Variants in DLG2 observed in about 807,000 individuals in gnomAD.
The protein encoded by DLG2 is discs large MAGUK scaffold protein 2.
Under a neutral mutation model 132.5 loss-of-function variants are expected in DLG2, and 45 were observed. The ratio of observed to expected loss-of-function variants is 0.34; its 90% CI spans 0.27 to 0.44. The LOEUF is 0.44. Ranked by LOEUF, DLG2 falls within the 20% of genes least tolerant of loss-of-function variation. DLG2 has a pLI of 1.00. For synonymous variants in DLG2, 424 were observed against 419.6 expected (o/e 1.01, Z -0.13); for missense variants, 1,045 against 1,196.9 (o/e 0.87, Z 1.87).
intron 4 of DLG2, among the ~76,000 whole-genome samples, chr11:85,246,466 T>C (rs573468293): frequency 6.6e-6 from 1 of 152,028 alleles, no homozygotes; most frequent in East Asian, 1.9e-4. Flanking sequence ...ATATGCTTAA[T>C]GTGAATTCCC....
At chr11:85,285,438 A>G (rs1251898059) in intron 3 of DLG2, 73 bp from the exon 4 acceptor site, 4 of 1,371,960 alleles carry the variant, frequency 2.9e-6, no homozygotes, top group African/African-American at 1.5e-5. Flanking sequence ...ATATATGTCC[A>G]TATATAGACA....
intron 18 of DLG2, among the ~76,000 whole-genome samples, chr11:83,674,781 G>A (rs575355723): frequency 6.6e-6 from 1 of 152,262 alleles, no homozygotes; most frequent in East Asian, 1.9e-4. Flanking sequence ...CAGGTTTTAT[G>A]AACAGATTTT....
intron 7 of DLG2, among the ~76,000 whole-genome samples, chr11:84,273,842 C>T (rs2154366056): frequency 6.6e-6 from 1 of 152,266 alleles, no homozygotes; most frequent in Middle Eastern, 3.4e-3. Flanking sequence ...TATTCTTCAC[C>T]TACAGAGTAT....
At chr11:85,354,389 C>T (rs1429189416) in intron 3 of DLG2, among the ~76,000 whole-genome samples, 1 of 152,106 alleles carries the variant, frequency 6.6e-6, no homozygotes, top group African/African-American at 2.4e-5. Context: ...AGATATACGA[C>T]AGTCACTCTC....
chr11:85,304,573 C>T (rs2079817007), intron 3 of DLG2, among the ~76,000 whole-genome samples: 1 of 152,198 alleles, frequency 6.6e-6, no homozygotes, highest in Admixed American at 6.5e-5. Flanking sequence ...CAATATGATG[C>T]TCAAACTAAG....
intron 14 of DLG2, among the ~76,000 whole-genome samples, chr11:83,937,234 G>A (rs1272032344): frequency 2.6e-5 from 4 of 152,024 alleles, no homozygotes; most frequent in Admixed American, 6.6e-5. Flanking sequence ...CCAGCCGGGC[G>A]CGGTGGCTCA....
intron 3 of DLG2, among the ~76,000 whole-genome samples, chr11:85,479,689 T>TTAAG (rs1485092279): frequency 6.6e-6 from 1 of 152,152 alleles, no homozygotes; most frequent in African/African-American, 2.4e-5. Flanking sequence ...ACTACAGTAA[T>TTAAG]TAAGTACCTG....
chr11:83,753,973 A>C (rs1186953891), intron 18 of DLG2, among the ~76,000 whole-genome samples: 8 of 147,134 alleles, frequency 5.4e-5, no homozygotes, highest in Non-Finnish European at 1.2e-4. Flanking sequence ...GCCAAGTGAA[A>C]TAGAGAAAAA....
chr11:84,470,181 A>G (rs942917229), intron 7 of DLG2, among the ~76,000 whole-genome samples: 8 of 151,778 alleles, frequency 5.3e-5, no homozygotes, highest in Non-Finnish European at 1.2e-4. Flanking sequence ...TATAAAGCAC[A>G]AGTGTTGGTA....
At chr11:84,349,807 C>T (rs992450512) in intron 7 of DLG2, among the ~76,000 whole-genome samples, 57 of 151,418 alleles carry the variant, frequency 3.8e-4, no homozygotes, top group African/African-American at 1.3e-3. Context: ...TAAGACCAGC[C>T]TGGGCAACAC....
At chr11:85,459,112 C>G (rs2092518327) in intron 3 of DLG2, among the ~76,000 whole-genome samples, 1 of 152,198 alleles carries the variant, frequency 6.6e-6, no homozygotes, top group African/African-American at 2.4e-5. Context: ...AGTGCAAGAG[C>G]AGCTTGCTGG....
At chr11:85,192,862 G>A (rs2080709037) in intron 4 of DLG2, among the ~76,000 whole-genome samples, 1 of 152,146 alleles carries the variant, frequency 6.6e-6, no homozygotes, top group South Asian at 2.1e-4. Flanking sequence ...CCATGTTCCT[G>A]TGGCAGCATG....
At chr11:84,351,067 G>A (rs1210100099) in intron 7 of DLG2, among the ~76,000 whole-genome samples, 2 of 151,918 alleles carry the variant, frequency 1.3e-5, no homozygotes, top group Non-Finnish European at 2.9e-5. Context: ...TTAGATGTGA[G>A]GACAAACAGG....
intron 7 of DLG2, among the ~76,000 whole-genome samples, chr11:84,340,378 T>C (rs1242058746): frequency 6.6e-6 from 1 of 152,112 alleles, no homozygotes; most frequent in Non-Finnish European, 1.5e-5. Flanking sequence ...ACTAGACAAA[T>C]GTCAGTGGTG....
chr11:85,530,631 T>C (rs891674595), intron 3 of DLG2, among the ~76,000 whole-genome samples: 1 of 152,214 alleles, frequency 6.6e-6, no homozygotes, highest in Non-Finnish European at 1.5e-5. Flanking sequence ...AGGGTGTTTT[T>C]CTAATGCTTT....
At chr11:84,051,740 T>A (rs2096387795) in intron 11 of DLG2, among the ~76,000 whole-genome samples, 1 of 151,536 alleles carries the variant, frequency 6.6e-6, no homozygotes, top group East Asian at 1.9e-4. Flanking sequence ...AACCTGCACG[T>A]TGTGCACATG....
At chr11:84,747,777 G>T (rs2153831362) in intron 6 of DLG2, among the ~76,000 whole-genome samples, 1 of 151,170 alleles carries the variant, frequency 6.6e-6, no homozygotes, top group South Asian at 2.1e-4. Flanking sequence ...TAGGTGCTGG[G>T]TATCGTAAAT....
At chr11:84,173,092 T>C (rs2095860593) in intron 8 of DLG2, among the ~76,000 whole-genome samples, 3 of 152,168 alleles carry the variant, frequency 2.0e-5, no homozygotes. Context: ...AAAATAATCA[T>C]TTTCTATATA....
chr11:84,649,248 A>G (rs1327621605), intron 6 of DLG2, among the ~76,000 whole-genome samples: 1 of 152,222 alleles, frequency 6.6e-6, no homozygotes, highest in African/African-American at 2.4e-5. Flanking sequence ...TGAAAGGAAC[A>G]TACGACTAAT....
Sources: gnomAD v4.1 joint callset for allele counts (sites outside exome capture counted in the v4.1 genomes callset) on GRCh38, gnomAD v4.1.1 for gene constraint, MANE v1.5 for transcripts, NCBI Gene and HGNC (gene_info 2026-07-23, HGNC 2026-07-21) for gene names.